COX20: variants seen among roughly 807,000 people sequenced by gnomAD.
COX20 encodes cytochrome c oxidase assembly factor COX20, also known as cytochrome c oxidase assembly protein COX20, mitochondrial.
A neutral mutation model predicts 14.3 loss-of-function variants in COX20; 14 were observed. The ratio of observed to expected loss-of-function variants is 0.98; its 90% CI spans 0.65 to 1.53. The LOEUF (loss-of-function observed/expected upper bound fraction) is 1.53. Among genes scored for constraint, COX20 ranks in the 40% most tolerant of loss-of-function variants. The pLI, the probability that COX20 is intolerant of heterozygous loss-of-function variation, is 0.00. For synonymous variants in COX20, 56 were observed against 51.7 expected, an observed-to-expected ratio of 1.08 and a Z score of -0.36; for missense variants, 149 against 142.1, an observed-to-expected ratio of 1.05 and a Z score of -0.25.
chr1:244,838,641 A>G (rs1680075031), intron 1 of COX20, among the ~76,000 whole-genome samples: 2 of 152,200 alleles, frequency 1.3e-5, no homozygotes, highest in Admixed American at 6.5e-5. Context: ...ACTGGTGTCA[A>G]GTGAAGTTCA....
chr1:244,841,400 T>TAATA (rs1177990926), intron 1 of COX20: 3 of 153,028 alleles, frequency 2.0e-5, no homozygotes, highest in Non-Finnish European at 4.4e-5. Flanking sequence ...GACTAGAGTT[T>TAATA]AATATATTGC....
chr1:244,840,188 C>G (rs1218734745), intron 1 of COX20: 1 of 152,030 alleles, frequency 6.6e-6, no homozygotes, highest in Non-Finnish European at 1.5e-5. Flanking sequence ...CAGTGTTTCC[C>G]CAATATGACA....
In COX20 at chr1:244,841,943, G is replaced by C; in HGVS notation, c.43-1G>C. Reference sequence around the variant, plus strand: ...ATCTAGGTTCTTTTTTTTCATTCTAGTCCCTTAAGCTCCTAGGATTTTTAG... The same window carrying C: ...ATCTAGGTTCTTTTTTTTCATTCTACTCCCTTAAGCTCCTAGGATTTTTAG... On this transcript the variant is annotated splice_acceptor_variant, in intron 1 of 3. Coordinates refer to ENST00000411948, the MANE Select transcript of COX20 (RefSeq NM_198076.6). LOFTEE classifies it high-confidence loss of function. The C allele has an allele frequency of 6.4e-7, 1 of 1,565,390 alleles. No homozygotes were observed. The highest frequency in any genetic ancestry group is 8.7e-7 in the Non-Finnish European group (1 of 1,144,982).
chr1:244,835,699 T>G lies in COX20; in HGVS notation c.-16T>G. 8.0e-7 allele frequency: 1 copy of G among 1,252,956 alleles called. No individual in the cohort carries two copies. The highest frequency in any genetic ancestry group is 1.0e-6 in the Non-Finnish European group (1 of 997,148). 77.6% of individuals were successfully genotyped at this position (1,252,956 alleles called of 1,614,324 possible). A position where few individuals can be genotyped will look rare whatever the true frequency, so the allele number is the denominator to read the frequency against. On this transcript the variant is annotated 5_prime_UTR_variant, in exon 1 of 4. Transcript: ENST00000411948. ...CCCCGGCGGTGCAGGGCGGGTGGAG[T>G]CGCGGAGTAGTCCTCATGGCCGCCC...
In COX20 at chr1:244,844,354, T is replaced by G. The variant is rs1680340044; in HGVS notation, c.*1178T>G. On this transcript the variant is annotated 3_prime_UTR_variant, in exon 4 of 4. Transcript: ENST00000411948. ...GTGAATGACAACTGTCAAACACATG[T>G]TGAGGGAAAATTTTTACTGATTCAC... 6.6e-6 allele frequency: 1 copy of G among 152,140 alleles called. No individual in the cohort carries two copies. Among genetic ancestry groups the G allele is most frequent in the African/African-American group, 2.4e-5 (1 of 41,422 alleles). The allele number at this position is 152,140 out of a possible 1,614,324, so 9.4% of individuals were successfully genotyped here.
In COX20 at chr1:244,836,400, A is replaced by G. The variant is rs1317694322; in HGVS notation, c.42+644A>G. On this transcript the variant is annotated intron_variant, in intron 1 of 3. Transcript: ENST00000411948. ...TAAGGATAAAACCCAAATTCTTGGT[A>G]TAGTAAAGCTAAACCAAGCGCTCTC... 18 of 1,125,866 alleles carry G rather than the reference A, an allele frequency of 1.6e-5. 1 individual carries two copies. The Admixed American group carries it at 1.8e-4, about 11-fold the overall frequency. The allele number at this position is 1,125,866 out of a possible 1,614,324, so 69.7% of individuals were successfully genotyped here.
chr1:244,843,865 GTCAA>G lies in COX20; in HGVS notation c.*693_*696del, dbSNP rs1471313766. On this transcript the variant is annotated 3_prime_UTR_variant, in exon 4 of 4. Coordinates refer to ENST00000411948, the MANE Select transcript of COX20 (RefSeq NM_198076.6). ...ATTAATGTAAACAATCCATTTGAAA[GTCAA>G]TCAGCTGCTCCCATTAAAATATTAT... The G allele has an allele frequency of 6.6e-6, 1 of 152,154 alleles. No individual in the cohort carries two copies. The highest frequency in any genetic ancestry group is 1.5e-5 in the Non-Finnish European group (1 of 68,030). The allele number at this position is 152,154 out of a possible 1,614,324, so 9.4% of individuals were successfully genotyped here.
rs562550569 is a variant in COX20, at chr1:244,842,630, T to A, written c.221+372T>A. On this transcript the variant is annotated intron_variant, in intron 3 of 3. Coordinates refer to ENST00000411948, the MANE Select transcript of COX20 (RefSeq NM_198076.6). ...CTCAAATATTTGCCAGACCTAAGAG[T>A]ATGATATGTATGTACTATATGGTTC... 1.0e-4 allele frequency: 28 copies of A among 270,090 alleles called. 1 individual carries two copies. The South Asian group carries it at 1.6e-3, about 15-fold the overall frequency. The allele number at this position is 270,090 out of a possible 1,614,324, so 16.7% of individuals were successfully genotyped here.
chr1:244,843,244 A>G lies in COX20; in HGVS notation c.*68A>G, dbSNP rs1312912566. 1.4e-5 allele frequency: 20 copies of G among 1,438,262 alleles called. No homozygotes were observed. The highest frequency in any genetic ancestry group is 3.1e-5 in the African/African-American group (2 of 65,258). 89.1% of individuals were successfully genotyped at this position (1,438,262 alleles called of 1,614,324 possible). On this transcript the variant is annotated 3_prime_UTR_variant, in exon 4 of 4. Coordinates refer to ENST00000411948, the MANE Select transcript of COX20 (RefSeq NM_198076.6). ...AACCACATAAAACATTTCATGTGCA[A>G]TAAGCTCTCAATCAAGTAAATAAAG...
intron 3 of COX20, 157 bp downstream of exon 3, chr1:244,842,415 C>T (rs1680244700): frequency 3.1e-6 from 2 of 642,650 alleles, no homozygotes; most frequent in South Asian, 3.8e-5. Flanking sequence ...TCTTAAAATG[C>T]TTGAACAGAT....
In COX20 at chr1:244,835,662, CT is replaced by C. The variant is rs1216567927; in HGVS notation, c.-52del. Reference sequence around the variant, plus strand: ...GGGAGGGGCGCGGCCAGCCGGGCTTCTGCTTCCGCGACCCCGGCGGTGCAGG... The same window carrying C: ...GGGAGGGGCGCGGCCAGCCGGGCTTCGCTTCCGCGACCCCGGCGGTGCAGG... On this transcript the variant is annotated 5_prime_UTR_variant, in exon 1 of 4. Coordinates refer to ENST00000411948, the MANE Select transcript of COX20 (RefSeq NM_198076.6). 4.1e-4 allele frequency: 502 copies of C among 1,229,604 alleles called. 3 individuals are homozygous for C. The Middle Eastern group carries it at 0.01, about 25-fold the overall frequency. The allele number at this position is 1,229,604 out of a possible 1,614,324, so 76.2% of individuals were successfully genotyped here.
At position 244,844,152 on chromosome 1, in the gene COX20, A is replaced by T. The variant is rs933810284; in HGVS notation, c.*976A>T. The T allele has an allele frequency of 1.3e-5, 2 of 152,240 alleles. No individual in the cohort carries two copies. Among genetic ancestry groups the T allele is most frequent in the Non-Finnish European group, 2.9e-5 (2 of 68,048 alleles). 9.4% of individuals were successfully genotyped at this position (152,240 alleles called of 1,614,324 possible). A position where few individuals can be genotyped will look rare whatever the true frequency, so the allele number is the denominator to read the frequency against. On this transcript the variant is annotated 3_prime_UTR_variant, in exon 4 of 4. Coordinates refer to ENST00000411948, the MANE Select transcript of COX20 (RefSeq NM_198076.6). ...TTGATGTACCATGGAAGGCACAGAA[A>T]TCGAGCAAGGAAGAAAATATTAGTT...
chr1:244,835,539 G>A (rs954285295), upstream of COX20: 9 of 408,982 alleles, frequency 2.2e-5, no homozygotes, highest in East Asian at 1.5e-4. Flanking sequence ...TGACAGCCCG[G>A]CCCCGTGCGG....
chr1:244,842,524 C>G (rs1250779395), intron 3 of COX20: 2 of 424,348 alleles, frequency 4.7e-6, no homozygotes, highest in African/African-American at 3.9e-5. Context: ...CTTATTTCAT[C>G]CCTGCTTATT....
chr1:244,843,204 A>G lies in COX20; in HGVS notation c.*28A>G, dbSNP rs1445785380. 2.0e-6 allele frequency: 3 copies of G among 1,536,874 alleles called. No individual in the cohort carries two copies. The highest frequency in any genetic ancestry group is 1.2e-5 in the South Asian group (1 of 82,118). On this transcript the variant is annotated 3_prime_UTR_variant, in exon 4 of 4. Coordinates refer to ENST00000411948, the MANE Select transcript of COX20 (RefSeq NM_198076.6). ...AATCTTGAGCATAGAAGTCAATGTAAACGAAGTTAAGATCAACCACATAAA... is the reference window on the plus strand; with the variant it reads ...AATCTTGAGCATAGAAGTCAATGTAGACGAAGTTAAGATCAACCACATAAA...
chr1:244,837,642 G>C (rs1226244859), intron 1 of COX20, among the ~76,000 whole-genome samples: 2 of 152,210 alleles, frequency 1.3e-5, no homozygotes, highest in Admixed American at 1.3e-4. Context: ...ATTAGACACT[G>C]AACGAGGTAC....
Position 244,835,760 on chromosome 1 carries a change from A to G in COX20, c.42+4A>G, listed in dbSNP as rs1040529550. On this transcript the variant is annotated splice_donor_region_variant and intron_variant, in intron 1 of 3. Transcript: ENST00000411948. ...CGGTGAGCCCGAGGAGAGGAAGGTA[A>G]CCTGGGGGTCGGCGGGGCGCGCGCC... 5.6e-6 allele frequency: 7 copies of G among 1,252,990 alleles called. No homozygotes were observed. The highest frequency in any genetic ancestry group is 7.0e-6 in the Non-Finnish European group (7 of 997,256). 77.6% of individuals were successfully genotyped at this position (1,252,990 alleles called of 1,614,324 possible).
chr1:244,839,948 G>A (rs1014722396), intron 1 of COX20: 6 of 152,150 alleles, frequency 3.9e-5, no homozygotes, highest in African/African-American at 7.2e-5. Flanking sequence ...TAAAAAACAT[G>A]TAGAGAGCCT....
At position 244,841,962 on chromosome 1, in the gene COX20, T is replaced by G. The variant is rs1680217662; in HGVS notation, c.61T>G (p.Phe21Val). The change falls in exon 2 of 4, where the codon TTT becomes GTT. Residue 21 changes from phenylalanine to valine, a missense_variant. Coordinates refer to ENST00000411948, the MANE Select transcript of COX20 (RefSeq NM_198076.6). ...ATTCTAGTCCCTTAAGCTCCTAGGA[T>G]TTTTAGATGTTGAAAATACTCCCTG... ...EERKSLKLLG[F>V]LDVENTPCAR... is the part of the protein sequence containing the mutation. 6.3e-7 allele frequency: 1 copy of G among 1,596,906 alleles called. No individual in the cohort carries two copies. Among genetic ancestry groups the G allele is most frequent in the East Asian group, 2.2e-5 (1 of 44,786 alleles).
Sources: allele counts gnomAD v4.1 joint callset (sites outside exome capture counted in the v4.1 genomes callset), GRCh38; gene constraint gnomAD v4.1.1; transcripts MANE v1.5; gene names NCBI Gene and HGNC (gene_info 2026-07-23, HGNC 2026-07-21).